CGGBP1: variants seen among roughly 807,000 people sequenced by gnomAD.
CGGBP1 encodes the protein CGG triplet repeat-binding protein 1.
A neutral mutation model predicts 11.4 loss-of-function variants in CGGBP1; 4 were observed. The ratio of observed to expected loss-of-function variants is 0.35; its 90% CI spans 0.17 to 0.80. The LOEUF is 0.80. Ranked by LOEUF, CGGBP1 falls within the 30% of genes least tolerant of loss-of-function variation. CGGBP1 has a pLI of 0.52. For synonymous variants in CGGBP1, 76 were observed against 74.1 expected, an observed-to-expected ratio of 1.03 and a Z score of -0.13; for missense variants, 135 against 202.1, an observed-to-expected ratio of 0.67 and a Z score of 2.01.
At chr3:88,140,599 T>C in intron 2 of CGGBP1, 1 of 1,613,744 alleles carries the variant, frequency 6.2e-7, no homozygotes, top group South Asian at 1.1e-5. Flanking sequence ...AGTGATATAG[T>C]CAATGGACAC....
intron 2 of CGGBP1, among the ~76,000 whole-genome samples, chr3:88,104,902 GC>G (rs1704639845): frequency 6.6e-6 from 1 of 152,202 alleles, no homozygotes; most frequent in Non-Finnish European, 1.5e-5. Flanking sequence ...ACTTTGGAAG[GC>G]CAAGGTGGGC....
intron 2 of CGGBP1, among the ~76,000 whole-genome samples, chr3:88,075,776 T>A (rs990143253): frequency 3.9e-5 from 6 of 152,312 alleles, no homozygotes; most frequent in South Asian, 2.1e-4. Flanking sequence ...TTGGTTTTTT[T>A]GTTCCTTCAG....
chr3:88,144,723 T>C (rs1389598241), intron 1 of CGGBP1: 3 of 152,420 alleles, frequency 2.0e-5, no homozygotes, highest in Non-Finnish European at 4.4e-5. Context: ...AAGGTATATA[T>C]TAAATGAAAA....
chr3:88,077,270 C>G (rs895362292), intron 2 of CGGBP1, among the ~76,000 whole-genome samples: 1 of 151,934 alleles, frequency 6.6e-6, no homozygotes, highest in African/African-American at 2.4e-5. Context: ...AGTGTGCTTT[C>G]CATTTCTTTG....
intron 2 of CGGBP1, among the ~76,000 whole-genome samples, chr3:88,076,502 C>T (rs1222300469): frequency 2.6e-5 from 4 of 152,096 alleles, no homozygotes; most frequent in Non-Finnish European, 1.5e-5. Context: ...TTTCTTTTAT[C>T]TTAATCAGTA....
chr3:88,133,510 A>C (rs1237145299), intron 2 of CGGBP1, among the ~76,000 whole-genome samples: 1 of 152,186 alleles, frequency 6.6e-6, no homozygotes, highest in Admixed American at 6.6e-5. Context: ...TGGGGTATTC[A>C]TGAAGGCTTT....
At chr3:88,091,568 G>A (rs1708631547) in intron 2 of CGGBP1, among the ~76,000 whole-genome samples, 1 of 151,986 alleles carries the variant, frequency 6.6e-6, no homozygotes, top group Non-Finnish European at 1.5e-5. Context: ...GACTTCTCTT[G>A]CATTGCCTGC....
intron 1 of CGGBP1, among the ~76,000 whole-genome samples, chr3:88,145,839 A>T (rs1342977239): frequency 6.6e-6 from 1 of 152,190 alleles, no homozygotes; most frequent in African/African-American, 2.4e-5. Context: ...AAGGGTAAAT[A>T]TGAACACTGC....
In CGGBP1 at chr3:88,054,498, T is replaced by C. The variant is rs149044549; in HGVS notation, c.*975A>G. ...ACCACCAGAGGCAAAGCAGATAAAG[T>C]AAACTTGTTTCTAGTCTAGACTATT... On this transcript the variant is annotated 3_prime_UTR_variant, in exon 4 of 4. Transcript: ENST00000482016. 6.6e-6 allele frequency: 1 copy of C among 152,296 alleles called. No individual in the cohort carries two copies. Among genetic ancestry groups the C allele is most frequent in the African/African-American group, 2.4e-5 (1 of 41,574 alleles). 9.4% of individuals were successfully genotyped at this position (152,296 alleles called of 1,614,324 possible). A position where few individuals can be genotyped will look rare whatever the true frequency, so the allele number is the denominator to read the frequency against.
At chr3:88,100,661 G>T (rs1460556929) in intron 2 of CGGBP1, among the ~76,000 whole-genome samples, 1 of 152,146 alleles carries the variant, frequency 6.6e-6, no homozygotes, top group African/African-American at 2.4e-5. Flanking sequence ...CCTTTGTAGG[G>T]ACATGGATGA....
chr3:88,091,283 C>T (rs146086120), intron 2 of CGGBP1, among the ~76,000 whole-genome samples: 6 of 151,956 alleles, frequency 3.9e-5, no homozygotes, highest in African/African-American at 7.2e-5. Context: ...GAACTGGCTA[C>T]GTAGACAAAA....
chr3:88,131,364 GGAAACTGAAAATAGTCATGAC>G (rs1706453939), intron 2 of CGGBP1, among the ~76,000 whole-genome samples: 1 of 152,074 alleles, frequency 6.6e-6, no homozygotes, highest in East Asian at 1.9e-4. Context: ...GTGGTTATTT[GGAAACTGAAAATAGTCATGAC>G]AGTTATAATA....
chr3:88,053,450 G>T lies in CGGBP1; in HGVS notation c.*2023C>A, dbSNP rs1383534043. 2.0e-5 allele frequency: 3 copies of T among 152,058 alleles called. No homozygotes were observed. Among genetic ancestry groups the T allele is most frequent in the Non-Finnish European group, 2.9e-5 (2 of 67,954 alleles). The allele number at this position is 152,058 out of a possible 1,614,324, so 9.4% of individuals were successfully genotyped here. ...ATACATTAAGATATATAAAATTTAAGTGATTATCAAATCAGTAGTAACTAC... is the reference window on the plus strand; with the variant it reads ...ATACATTAAGATATATAAAATTTAATTGATTATCAAATCAGTAGTAACTAC... On this transcript the variant is annotated 3_prime_UTR_variant, in exon 4 of 4. Transcript: ENST00000482016.
chr3:88,081,690 G>A (rs1471872714), intron 2 of CGGBP1, among the ~76,000 whole-genome samples: 1 of 152,234 alleles, frequency 6.6e-6, no homozygotes, highest in African/African-American at 2.4e-5. Context: ...CTCATATCCT[G>A]TTGTTTTTCA....
At chr3:88,111,227 C>T (rs1334948863) in intron 2 of CGGBP1, among the ~76,000 whole-genome samples, 2 of 151,902 alleles carry the variant, frequency 1.3e-5, no homozygotes, top group Non-Finnish European at 2.9e-5. Context: ...TTGTTTTATA[C>T]TTATTAATAG....
intron 2 of CGGBP1, among the ~76,000 whole-genome samples, chr3:88,081,247 TTA>T (rs1559696629): frequency 2.6e-5 from 4 of 152,220 alleles, no homozygotes. Context: ...ATGTATTTTA[TTA>T]TATAGTTCAC....
chr3:88,128,420 T>A (rs1706248432), intron 2 of CGGBP1, among the ~76,000 whole-genome samples: 1 of 152,220 alleles, frequency 6.6e-6, no homozygotes, highest in South Asian at 2.1e-4. Context: ...TTCAGCCTTT[T>A]AATCTTAAAG....
intron 2 of CGGBP1, among the ~76,000 whole-genome samples, chr3:88,117,934 C>T (rs1705509601): frequency 9.7e-6 from 1 of 102,634 alleles, no homozygotes; most frequent in Admixed American, 1.2e-4. Context: ...TACTATTGCC[C>T]AATAGATGAT....
At chr3:88,071,631 A>G (rs953111568) in intron 2 of CGGBP1, among the ~76,000 whole-genome samples, 81 of 87,422 alleles carry the variant, frequency 9.3e-4, no homozygotes, top group Admixed American at 8.1e-3. Flanking sequence ...GCGAGACTCC[A>G]TCTCAAAAAC....
Sources: gnomAD v4.1 joint callset for allele counts (sites outside exome capture counted in the v4.1 genomes callset) on GRCh38, gnomAD v4.1.1 for gene constraint, MANE v1.5 for transcripts, NCBI Gene and HGNC (gene_info 2026-07-23, HGNC 2026-07-21) for gene names.